The following CCDC91 variants were observed in gnomAD, a reference collection of about 807,000 sequenced individuals.
CCDC91 encodes the protein coiled-coil domain-containing protein 91.
In CCDC91, 48 loss-of-function variants were observed where a neutral mutation model predicts 63.2. That is an observed-to-expected ratio of 0.76 (90% confidence interval 0.60 to 0.97). CCDC91 has a LOEUF of 0.97. Among genes scored for constraint, CCDC91 ranks in the 50% least tolerant of loss-of-function variants. The pLI, the probability that CCDC91 is intolerant of heterozygous loss-of-function variation, is 0.00. For synonymous variants in CCDC91, 167 were observed against 165.8 expected, an observed-to-expected ratio of 1.01 and a Z score of -0.06; for missense variants, 500 against 494.6, an observed-to-expected ratio of 1.01 and a Z score of -0.10.
intron 7 of CCDC91, among the ~76,000 whole-genome samples, chr12:28,389,604 G>A (rs1410119335): frequency 6.6e-6 from 1 of 151,934 alleles, no homozygotes; most frequent in Non-Finnish European, 1.5e-5. Context: ...TAACTTACCT[G>A]TCCTCCAAAG....
chr12:28,232,175 T>G (rs1944642647), intron 1 of CCDC91, among the ~76,000 whole-genome samples: 1 of 152,130 alleles, frequency 6.6e-6, no homozygotes, highest in Non-Finnish European at 1.5e-5. Flanking sequence ...TTTATAAAAA[T>G]GTAGGAGATT....
chr12:28,535,311 A>G (rs1267361177), intron 12 of CCDC91, among the ~76,000 whole-genome samples: 2 of 152,198 alleles, frequency 1.3e-5, no homozygotes, highest in African/African-American at 2.4e-5. Context: ...GGCAAATCAC[A>G]TGGATAAGCC....
At chr12:28,473,263 C>T (rs1950913239) in intron 11 of CCDC91, among the ~76,000 whole-genome samples, 1 of 152,088 alleles carries the variant, frequency 6.6e-6, no homozygotes, top group African/African-American at 2.4e-5. Flanking sequence ...CATTGGACTG[C>T]TGTATAGGAT....
chr12:28,420,250 A>G (rs1434823748), intron 8 of CCDC91, among the ~76,000 whole-genome samples: 1 of 152,166 alleles, frequency 6.6e-6, no homozygotes, highest in African/African-American at 2.4e-5. Flanking sequence ...TCTGTTATGT[A>G]GAAAATTTGA....
chr12:28,525,778 A>C (rs762597546), intron 12 of CCDC91, among the ~76,000 whole-genome samples: 3 of 151,882 alleles, frequency 2.0e-5, no homozygotes, highest in Admixed American at 6.6e-5. Context: ...TAAATTTGGG[A>C]TCTCCCAAAT....
chr12:28,368,417 G>A (rs113686531), intron 7 of CCDC91, among the ~76,000 whole-genome samples: 4 of 152,280 alleles, frequency 2.6e-5, no homozygotes, highest in African/African-American at 9.6e-5. Context: ...TTGAGTAAAT[G>A]TATATCCTGC....
intron 8 of CCDC91, among the ~76,000 whole-genome samples, chr12:28,437,484 A>G (rs993488090): frequency 6.6e-6 from 1 of 152,066 alleles, no homozygotes; most frequent in Non-Finnish European, 1.5e-5. Context: ...TTCGTGATAT[A>G]AGAGTTTTTA....
intron 3 of CCDC91, among the ~76,000 whole-genome samples, chr12:28,271,069 A>T (rs1482872927): frequency 6.6e-6 from 1 of 152,092 alleles, no homozygotes; most frequent in African/African-American, 2.4e-5. Context: ...TAATAAAGGG[A>T]TAGAGAGAGT....
rs749455152 is a variant in CCDC91, at chr12:28,233,568, C to G, written c.-14-23634C>G. ...TTTTTGACCCAAATAGGAAGTAGTT[C>G]TTTTGATACTTTGAATATTGAATAT... On this transcript the variant is annotated intron_variant, in intron 1 of 12. Transcript: ENST00000536442. Among the ~76,000 whole-genome samples, 64 of 152,056 alleles carry G rather than the reference C, an allele frequency of 4.2e-4. 1 individual carries two copies. The highest frequency in any genetic ancestry group is 3.1e-4 in the Non-Finnish European group (21 of 67,986).
At chr12:28,512,471 C>A (rs761245281) in intron 12 of CCDC91, among the ~76,000 whole-genome samples, 3 of 151,850 alleles carry the variant, frequency 2.0e-5, no homozygotes, top group Non-Finnish European at 4.4e-5. Context: ...CACAGTAAGA[C>A]GTATTGTGGG....
At chr12:28,385,666 C>G (rs1047202306) in intron 7 of CCDC91, among the ~76,000 whole-genome samples, 1 of 152,094 alleles carries the variant, frequency 6.6e-6, no homozygotes, top group Non-Finnish European at 1.5e-5. Context: ...ATAATCAGTA[C>G]AAAGATGATA....
At chr12:28,438,109 C>G (rs1031892857) in intron 8 of CCDC91, among the ~76,000 whole-genome samples, 1 of 152,114 alleles carries the variant, frequency 6.6e-6, no homozygotes, top group African/African-American at 2.4e-5. Context: ...AATTGTGCTA[C>G]AGTTTGCAAG....
chr12:28,267,831 A>G (rs1592149009), intron 3 of CCDC91, among the ~76,000 whole-genome samples: 3 of 17,824 alleles, frequency 1.7e-4, no homozygotes, highest in African/African-American at 2.9e-4. Context: ...TTATTAATAT[A>G]TAATTATATA....
intron 6 of CCDC91, among the ~76,000 whole-genome samples, chr12:28,342,729 C>G (rs1380718140): frequency 6.6e-6 from 1 of 151,844 alleles, no homozygotes; most frequent in Admixed American, 6.6e-5. Context: ...TTAGATGGAA[C>G]AAAGTTCTTG....
chr12:28,447,259 CAAAA>C (rs1191509603), intron 8 of CCDC91, among the ~76,000 whole-genome samples: 1 of 151,702 alleles, frequency 6.6e-6, no homozygotes, highest in Non-Finnish European at 1.5e-5. Context: ...TTTAACAAAA[CAAAA>C]AGAATAATGC....
At chr12:28,448,253 G>GA (rs766379116) in intron 8 of CCDC91, among the ~76,000 whole-genome samples, 29 of 152,228 alleles carry the variant, frequency 1.9e-4, no homozygotes, top group Admixed American at 5.2e-4. Context: ...AGTTTGTTGT[G>GA]AGAGTTTAAT....
intron 3 of CCDC91, among the ~76,000 whole-genome samples, chr12:28,296,380 C>T (rs1426126872): frequency 1.3e-5 from 2 of 151,644 alleles, no homozygotes; most frequent in Non-Finnish European, 2.9e-5. Context: ...TGTTATTCCT[C>T]AAAGAAGCGA....
intron 3 of CCDC91, among the ~76,000 whole-genome samples, chr12:28,300,809 T>C (rs895153488): frequency 3.3e-5 from 5 of 151,734 alleles, no homozygotes; most frequent in African/African-American, 1.2e-4. Context: ...AAAGTTTTCC[T>C]CACATTTCTT....
intron 1 of CCDC91, chr12:28,225,765 C>T (rs1203392869): frequency 1.3e-5 from 2 of 152,234 alleles, no homozygotes; most frequent in Non-Finnish European, 2.9e-5. Context: ...CCTCCCACTA[C>T]CTTTCTAACA....
Sources: gnomAD v4.1 joint callset for allele counts (sites outside exome capture counted in the v4.1 genomes callset) on GRCh38, gnomAD v4.1.1 for gene constraint, MANE v1.5 for transcripts, NCBI Gene and HGNC (gene_info 2026-07-23, HGNC 2026-07-21) for gene names.